The following TENM3 variants were observed in gnomAD, a reference collection of about 807,000 sequenced individuals.
The protein encoded by TENM3 is teneurin transmembrane protein 3, also known as teneurin-3.
A neutral mutation model predicts 255.1 loss-of-function variants in TENM3; 63 were observed. The observed-to-expected ratio is 0.25, with a 90% CI of 0.20 to 0.30. TENM3 has a LOEUF of 0.30. Among genes scored for constraint, TENM3 ranks in the 10% least tolerant of loss-of-function variants. The probability of loss-of-function intolerance (pLI) is 1.00; values close to 1 mark genes in which losing one functional copy is unlikely to be tolerated. For synonymous variants in TENM3, 1,306 were observed against 1,322.3 expected, an observed-to-expected ratio of 0.99 and a Z score of 0.27; for missense variants, 2,929 against 3,461.1, an observed-to-expected ratio of 0.85 and a Z score of 3.86.
the TENM3 span, among the ~76,000 whole-genome samples, chr4:181,726,333 A>T: frequency 2.6e-4 from 39 of 152,220 alleles, no homozygotes; most frequent in East Asian, 6.8e-3. Context: ...TTTATGTGTA[A>T]TGAGTGTCTG....
At chr4:181,475,925 C>T in the TENM3 span, among the ~76,000 whole-genome samples, 2 of 152,190 alleles carry the variant, frequency 1.3e-5, no homozygotes, top group Admixed American at 1.3e-4. Flanking sequence ...GGGTTCACCC[C>T]GCCGAGGTCT....
intron 3 of TENM3, among the ~76,000 whole-genome samples, chr4:182,571,498 C>T (rs1489476737): frequency 6.6e-6 from 1 of 152,182 alleles, no homozygotes; most frequent in Admixed American, 6.5e-5. Flanking sequence ...TCTATTCCCA[C>T]CTGGGTGAGA....
At position 182,754,886 on chromosome 4, in the gene TENM3, T is replaced by C; in HGVS notation, c.4519T>C (p.Ser1507Pro). The change falls in exon 22 of 28, where the codon TCT becomes CCT. Residue 1507 changes from serine to proline, a missense_variant. Around this residue, in one of 6 missense-constraint regions of TENM3, gnomAD observed 1,608 missense variants for 1,884.4 expected, o/e 0.85. Transcript: ENST00000511685. The surrounding 1 kb of genome is among the most constrained non-coding windows in gnomAD (Gnocchi z 5.1). ...AVSKNKPLLN[S>P]MNFYEVASPT... The stretch of plus-strand genomic sequence containing the variant: ...GTCAAAGAATAAGCCTTTACTTAAC[T>C]CTATGAACTTCTATGAAGTTGCGTC... The C allele has an allele frequency of 6.2e-7, 1 of 1,614,058 alleles. No homozygotes were observed. The highest frequency in any genetic ancestry group is 8.5e-7 in the Non-Finnish European group (1 of 1,179,900).
the TENM3 span, among the ~76,000 whole-genome samples, chr4:181,662,271 A>G: frequency 2.6e-5 from 4 of 152,182 alleles, no homozygotes; most frequent in African/African-American, 7.2e-5. Context: ...TTTTTCCAGT[A>G]TTTGTATTCA....
the TENM3 span, among the ~76,000 whole-genome samples, chr4:181,504,236 A>G: frequency 6.6e-6 from 1 of 152,068 alleles, no homozygotes; most frequent in African/African-American, 2.4e-5. Flanking sequence ...GATGGCCCAC[A>G]ACTGACCTGC....
chr4:181,742,030 G>A, the TENM3 span, among the ~76,000 whole-genome samples: 3 of 151,968 alleles, frequency 2.0e-5, no homozygotes, highest in Admixed American at 6.6e-5. Context: ...CTATTTCTTC[G>A]TTTAAAATTG....
the TENM3 span, among the ~76,000 whole-genome samples, chr4:181,983,026 GTACAAA>G: frequency 6.6e-6 from 1 of 152,080 alleles, no homozygotes; most frequent in Non-Finnish European, 1.5e-5. Flanking sequence ...CCGTAGATTT[GTACAAA>G]TGTTTGTATT....
At chr4:182,148,388 G>T (rs951557944) in intron 1 of TENM3, among the ~76,000 whole-genome samples, 1 of 151,970 alleles carries the variant, frequency 6.6e-6, no homozygotes, top group Admixed American at 6.6e-5. Context: ...ACATCCTATT[G>T]GGGACCTAAT....
the TENM3 span, among the ~76,000 whole-genome samples, chr4:181,549,683 ATAATAGGC>A: frequency 5.3e-5 from 8 of 152,204 alleles, no homozygotes; most frequent in East Asian, 1.5e-3. Flanking sequence ...AGGAAAACAC[ATAATAGGC>A]TCTAAGTGAT....
chr4:182,427,180 A>G (rs756702299), intron 3 of TENM3, among the ~76,000 whole-genome samples: 28 of 152,140 alleles, frequency 1.8e-4, no homozygotes, highest in Non-Finnish European at 4.0e-4. Context: ...ACTTCTACTC[A>G]TTAAACCAAA....
the TENM3 span, among the ~76,000 whole-genome samples, chr4:181,636,676 G>A: frequency 2.0e-5 from 3 of 152,192 alleles, no homozygotes; most frequent in African/African-American, 7.2e-5. Context: ...GCGCCTCAGT[G>A]CAAGCGCCCA....
At chr4:182,029,477 G>A in the TENM3 span, among the ~76,000 whole-genome samples, 1 of 144,206 alleles carries the variant, frequency 6.9e-6, no homozygotes, top group Non-Finnish European at 1.5e-5. Flanking sequence ...TCTCTCTTTA[G>A]CTCTATCAAT....
chr4:182,177,958 G>GTTTTTTT (rs56256529), intron 1 of TENM3, among the ~76,000 whole-genome samples: 533 of 116,636 alleles, frequency 4.6e-3, no homozygotes, highest in East Asian at 9.9e-3. Context: ...TTTGGTTTTT[G>GTTTTTTT]TTTTTTTTTT....
At chr4:182,470,021 A>G (rs2151444698) in intron 3 of TENM3, among the ~76,000 whole-genome samples, 1 of 152,282 alleles carries the variant, frequency 6.6e-6, no homozygotes, top group South Asian at 2.1e-4. Flanking sequence ...TAATGAAATC[A>G]TAGAGTTAGA....
chr4:182,792,732 C>G lies in TENM3; in HGVS notation c.6060C>G (p.Ser2020Arg). 1 of 1,613,932 alleles carries G rather than the reference C, an allele frequency of 6.2e-7. No homozygotes were observed. The highest frequency in any genetic ancestry group is 8.5e-7 in the Non-Finnish European group (1 of 1,179,890). The change falls in exon 26 of 28, where the codon AGC (serine) becomes AGG (arginine). Residue 2020 changes from serine to arginine, a missense_variant. Ser to Arg is a moderately radical substitution (Grantham distance 110, BLOSUM62 -1). Transcript: ENST00000511685. This position sits in a 1 kb window ranked among gnomAD's most constrained non-coding sequence, Gnocchi z 6.3. Reference sequence around the variant, plus strand: ...TGGTAAATGCAAGATTTGACTATAGCTATGACAACAGCTTTCGAGTGACCA... The same window carrying G: ...TGGTAAATGCAAGATTTGACTATAGGTATGACAACAGCTTTCGAGTGACCA... ...DGMVNARFDYSYDNSFRVTSM... is the reference protein window; with the variant it reads ...DGMVNARFDYRYDNSFRVTSM...
At chr4:182,517,379 C>CTTT (rs780908155) in intron 3 of TENM3, among the ~76,000 whole-genome samples, 50 of 89,306 alleles carry the variant, frequency 5.6e-4, no homozygotes, top group Middle Eastern at 6.6e-3. Context: ...AAAGTTCATT[C>CTTT]TTTTTTTTTT....
At chr4:181,527,586 G>A in the TENM3 span, among the ~76,000 whole-genome samples, 2 of 149,554 alleles carry the variant, frequency 1.3e-5, no homozygotes, top group East Asian at 2.0e-4. Flanking sequence ...GGCTGGTCTC[G>A]AACTCCTGAC....
At chr4:182,613,810 G>T (rs1175060382) in intron 4 of TENM3, among the ~76,000 whole-genome samples, 3 of 152,132 alleles carry the variant, frequency 2.0e-5, no homozygotes, top group African/African-American at 4.8e-5. Flanking sequence ...ATGTAAAATA[G>T]TAAAACCAGT....
chr4:181,709,895 A>G, the TENM3 span, among the ~76,000 whole-genome samples: 13 of 152,336 alleles, frequency 8.5e-5, no homozygotes, highest in African/African-American at 2.9e-4. Flanking sequence ...TTTGTCTTGC[A>G]TGACTGGTAA....
Sources: allele counts gnomAD v4.1 joint callset (sites outside exome capture counted in the v4.1 genomes callset), GRCh38; gene constraint gnomAD v4.1.1; regional missense constraint gnomAD v4.1.1; non-coding constraint Gnocchi (gnomAD v3.1); transcripts MANE v1.5; gene names NCBI Gene and HGNC (gene_info 2026-07-23, HGNC 2026-07-21).